The following GPR158 variants were observed in gnomAD, a reference collection of about 807,000 sequenced individuals.
The protein encoded by GPR158 is metabotropic glycine receptor.
Under a neutral mutation model 78.2 loss-of-function variants are expected in GPR158, and 30 were observed. The ratio of observed to expected loss-of-function variants is 0.38; its 90% confidence interval spans 0.29 to 0.52. The LOEUF (loss-of-function observed/expected upper bound fraction) is 0.52. Ranked by LOEUF, GPR158 falls within the 20% of genes least tolerant of loss-of-function variation. The pLI is 0.83. For missense variants in GPR158, 1,463 were observed against 1,523.5 expected (o/e 0.96, Z 0.66); for synonymous variants, 581 against 591.1 (o/e 0.98, Z 0.25).
intron 2 of GPR158, among the ~76,000 whole-genome samples, chr10:25,221,671 A>G (rs991755931): frequency 2.0e-5 from 3 of 152,192 alleles, no homozygotes; most frequent in African/African-American, 7.2e-5. Flanking sequence ...TTTAGTCCCT[A>G]TTCATGCTTG....
intron 3 of GPR158, among the ~76,000 whole-genome samples, chr10:25,396,943 G>T (rs35663899): frequency 0.065 from 9,941 of 152,060 alleles, 338 homozygotes; most frequent in East Asian, 0.17. Flanking sequence ...TGTCAGCCTG[G>T]GGTCACTCTT....
intron 5 of GPR158, among the ~76,000 whole-genome samples, chr10:25,489,412 T>C (rs555801738): frequency 2.2e-4 from 33 of 152,188 alleles, no homozygotes; most frequent in Admixed American, 4.6e-4. Flanking sequence ...AGGTTTCATA[T>C]TGTATGAATG....
At chr10:25,374,682 C>T (rs552463966) in intron 2 of GPR158, among the ~76,000 whole-genome samples, 3 of 151,658 alleles carry the variant, frequency 2.0e-5, no homozygotes, top group East Asian at 1.9e-4. Context: ...CTGTTTTCTC[C>T]GCATAATTCA....
At chr10:25,516,683 G>A (rs1317763754) in intron 5 of GPR158, among the ~76,000 whole-genome samples, 1 of 110,472 alleles carries the variant, frequency 9.1e-6, no homozygotes, top group Admixed American at 9.6e-5. Flanking sequence ...ATAGTTGTAG[G>A]TATGCGGCGT....
intron 2 of GPR158, among the ~76,000 whole-genome samples, chr10:25,227,842 A>G (rs1853396061): frequency 6.6e-6 from 1 of 152,218 alleles, no homozygotes; most frequent in African/African-American, 2.4e-5. Context: ...ACACAAGACT[A>G]GTCATAAAAG....
intron 2 of GPR158, among the ~76,000 whole-genome samples, chr10:25,362,385 G>A (rs1855652976): frequency 6.6e-6 from 1 of 151,956 alleles, no homozygotes; most frequent in East Asian, 1.9e-4. Flanking sequence ...AAATCAGGAA[G>A]TATGAATTCT....
intron 7 of GPR158, among the ~76,000 whole-genome samples, chr10:25,573,769 CTT>C (rs1317678730): frequency 6.6e-6 from 1 of 151,910 alleles, no homozygotes; most frequent in African/African-American, 2.4e-5. Context: ...GCTAAATAGT[CTT>C]TTGCTGGAAG....
At chr10:25,516,842 T>G (rs1414059373) in intron 5 of GPR158, among the ~76,000 whole-genome samples, 1 of 122,096 alleles carries the variant, frequency 8.2e-6, no homozygotes, top group East Asian at 2.3e-4. Context: ...TAGGATTGAC[T>G]TGGCGATGTG....
At chr10:25,468,891 A>G (rs932228037) in intron 5 of GPR158, among the ~76,000 whole-genome samples, 2 of 152,224 alleles carry the variant, frequency 1.3e-5, no homozygotes, top group Non-Finnish European at 2.9e-5. Context: ...TGATAATACA[A>G]TGTGACAAAC....
intron 5 of GPR158, among the ~76,000 whole-genome samples, chr10:25,469,373 C>T (rs1247180635): frequency 6.6e-6 from 1 of 152,210 alleles, no homozygotes; most frequent in African/African-American, 2.4e-5. Flanking sequence ...ATCTCTCCCT[C>T]AGATTCAGCC....
intron 1 of GPR158, among the ~76,000 whole-genome samples, chr10:25,180,217 G>A (rs1852596518): frequency 6.6e-6 from 1 of 152,130 alleles, no homozygotes; most frequent in Admixed American, 6.5e-5. Context: ...ACTCTTTTGT[G>A]GTGGGTGGGA....
At chr10:25,341,758 G>A (rs1423972507) in intron 2 of GPR158, among the ~76,000 whole-genome samples, 2 of 151,444 alleles carry the variant, frequency 1.3e-5, no homozygotes, top group African/African-American at 4.9e-5. Flanking sequence ...TTAGCCTGAT[G>A]TCACTCTTAA....
intron 3 of GPR158, among the ~76,000 whole-genome samples, chr10:25,401,905 A>C (rs1834451850): frequency 6.6e-6 from 1 of 152,180 alleles, no homozygotes; most frequent in East Asian, 1.9e-4. Flanking sequence ...AAAATAAAAT[A>C]TAACATTCAG....
At chr10:25,177,752 A>G (rs1219450392) in intron 1 of GPR158, among the ~76,000 whole-genome samples, 1 of 152,238 alleles carries the variant, frequency 6.6e-6, no homozygotes, top group African/African-American at 2.4e-5. Context: ...GCAAAGGCAT[A>G]AAGGATAATA....
At chr10:25,545,217 T>C (rs1564485826) in intron 5 of GPR158, among the ~76,000 whole-genome samples, 1 of 152,248 alleles carries the variant, frequency 6.6e-6, no homozygotes, top group Non-Finnish European at 1.5e-5. Context: ...TTTGAGTATA[T>C]ACCCAGTAAT....
Position 25,416,084 on chromosome 10 carries a change from A to G in GPR158, c.1335+3611A>G, listed in dbSNP as rs180758200. 3.6e-4 allele frequency among the ~76,000 whole-genome samples: 55 copies of G among 152,282 alleles called. 1 individual carries two copies. In the East Asian group the frequency reaches 8.7e-3, roughly 24 times the overall value. On this transcript the variant is annotated intron_variant, in intron 4 of 10. Coordinates refer to ENST00000376351, the MANE Select transcript of GPR158 (RefSeq NM_020752.3). ...TACTTACCTTCTGGGATTATTTAAA[A>G]GAGTTAATGAAATAATCCATGTAAA...
intron 2 of GPR158, among the ~76,000 whole-genome samples, chr10:25,385,639 T>A (rs1341583798): frequency 4.6e-5 from 7 of 152,162 alleles, no homozygotes; most frequent in African/African-American, 1.7e-4. Flanking sequence ...ATTATTATTA[T>A]AATTTTTTGA....
At chr10:25,493,453 A>G (rs1023668069) in intron 5 of GPR158, among the ~76,000 whole-genome samples, 6 of 152,152 alleles carry the variant, frequency 3.9e-5, no homozygotes, top group African/African-American at 1.2e-4. Flanking sequence ...TAAAGCGTTC[A>G]CTGACTGAAT....
intron 4 of GPR158, chr10:25,466,261 C>T (rs1025301755): frequency 2.3e-4 from 38 of 162,438 alleles, no homozygotes; most frequent in African/African-American, 8.4e-4. Context: ...TAACCCTCGC[C>T]GCTGTGGTCC....
Sources: gnomAD v4.1 joint callset for allele counts (sites outside exome capture counted in the v4.1 genomes callset) on GRCh38, gnomAD v4.1.1 for gene constraint, MANE v1.5 for transcripts, NCBI Gene and HGNC (gene_info 2026-07-23, HGNC 2026-07-21) for gene names.